The following PCDH11X variants were observed in gnomAD, a reference collection of about 807,000 sequenced individuals.
PCDH11X encodes protocadherin-11 X-linked.
PCDH11X carries 18 observed loss-of-function variants against 53.3 expected under a neutral mutation model. That is an observed-to-expected ratio of 0.34 (90% CI 0.23 to 0.50). The LOEUF (loss-of-function observed/expected upper bound fraction) is 0.50. Among genes scored for constraint, PCDH11X ranks in the 20% least tolerant of loss-of-function variants. PCDH11X has a pLI of 0.98. For missense variants in PCDH11X, 570 were observed against 1,032.4 expected, an observed-to-expected ratio of 0.55 and a Z score of 6.14; for synonymous variants, 279 against 393.3, an observed-to-expected ratio of 0.71 and a Z score of 3.44.
intron 6 of PCDH11X, among the ~76,000 whole-genome samples, chrX:92,004,046 G>A (rs1330348369): frequency 9.3e-6 from 1 of 107,813 alleles, no homozygotes; most frequent in Admixed American, 1.0e-4. Context: ...CCTTGATACT[G>A]CTTTTGCTGT....
At chrX:92,415,960 G>C (rs1302564376) in intron 9 of PCDH11X, among the ~76,000 whole-genome samples, 1 of 111,456 alleles carries the variant, frequency 9.0e-6, no homozygotes, top group Non-Finnish European at 1.9e-5. Context: ...TTTTCACTTT[G>C]TATGATTGGA....
intron 9 of PCDH11X, among the ~76,000 whole-genome samples, chrX:92,391,745 A>G (rs1349729184): frequency 5.4e-5 from 6 of 111,115 alleles, no homozygotes; most frequent in Non-Finnish European, 1.1e-4. Context: ...CTATTTCACT[A>G]TAGGTAAGTT....
At chrX:92,016,595 T>G (rs1163114922) in intron 6 of PCDH11X, among the ~76,000 whole-genome samples, 1 of 109,188 alleles carries the variant, frequency 9.2e-6, no homozygotes, top group Non-Finnish European at 1.9e-5. Flanking sequence ...TTCATTTTTT[T>G]TTTTCCTGTA....
chrX:92,529,608 A>G (rs2148724760), intron 10 of PCDH11X, among the ~76,000 whole-genome samples: 1 of 96,740 alleles, frequency 1.0e-5, no homozygotes, highest in African/African-American at 3.7e-5. Context: ...AGCACAGAAC[A>G]GGTCACACAT....
intron 7 of PCDH11X, among the ~76,000 whole-genome samples, chrX:92,254,068 A>C (rs1422687003): frequency 8.9e-6 from 1 of 112,076 alleles, no homozygotes; most frequent in Non-Finnish European, 1.9e-5. Flanking sequence ...TGAGTCTGTC[A>C]TATATGGCTT....
intron 6 of PCDH11X, among the ~76,000 whole-genome samples, chrX:92,054,820 C>CAAAAAAAAAAAAAAA (rs1174448342): frequency 1.7e-3 from 44 of 25,213 alleles, no homozygotes; most frequent in East Asian, 2.8e-3. Flanking sequence ...AACTCTGTCT[C>CAAAAAAAAAAAAAAA]AAAAAAAAAA....
At chrX:91,921,624 C>T (rs62607762) in intron 6 of PCDH11X, among the ~76,000 whole-genome samples, 10,188 of 98,569 alleles carry the variant, frequency 0.1, 769 homozygotes, top group East Asian at 0.14. Flanking sequence ...ATCCTCCATG[C>T]CTTTTCATGG....
intron 8 of PCDH11X, among the ~76,000 whole-genome samples, chrX:92,303,682 A>T (rs1009950010): frequency 8.9e-6 from 1 of 112,009 alleles, no homozygotes; most frequent in African/African-American, 3.2e-5. Context: ...GATGTTTAGG[A>T]AGCGATATCT....
chrX:92,464,440 C>T (rs1185985768), intron 9 of PCDH11X, among the ~76,000 whole-genome samples: 1 of 110,802 alleles, frequency 9.0e-6, no homozygotes, highest in African/African-American at 3.3e-5. Context: ...TTGCTTGACA[C>T]TTCTCCTTCC....
chrX:92,324,333 G>A (rs779815465), intron 8 of PCDH11X, among the ~76,000 whole-genome samples: 1 of 111,666 alleles, frequency 9.0e-6, no homozygotes, highest in East Asian at 2.8e-4. Flanking sequence ...AAGGCAATAA[G>A]TTAATTTGAT....
chrX:92,556,631 G>A (rs1323919737), intron 10 of PCDH11X, among the ~76,000 whole-genome samples: 1 of 111,978 alleles, frequency 8.9e-6, no homozygotes, highest in East Asian at 2.8e-4. Flanking sequence ...GTACAGCCCT[G>A]CTCTGGGCTG....
chrX:91,895,453 A>G (rs1940701415), intron 6 of PCDH11X, among the ~76,000 whole-genome samples: 1 of 110,772 alleles, frequency 9.0e-6, no homozygotes, highest in Admixed American at 9.7e-5. Flanking sequence ...GATCAAAACT[A>G]TGGATTCTCT....
chrX:92,200,033 A>G (rs1353987408), intron 6 of PCDH11X, among the ~76,000 whole-genome samples: 1 of 111,776 alleles, frequency 8.9e-6, no homozygotes, highest in Non-Finnish European at 1.9e-5. Flanking sequence ...TTTAAAAAAA[A>G]AAGTTAAATG....
intron 8 of PCDH11X, among the ~76,000 whole-genome samples, chrX:92,344,640 A>G (rs913476398): frequency 1.0e-5 from 1 of 98,800 alleles, no homozygotes; most frequent in African/African-American, 3.9e-5. Context: ...TTTCATAAAT[A>G]CATCAACAAG....
chrX:92,090,905 T>C (rs1434725249), intron 6 of PCDH11X, among the ~76,000 whole-genome samples: 1 of 112,315 alleles, frequency 8.9e-6, no homozygotes, highest in African/African-American at 3.2e-5. Context: ...CAGTTCATTA[T>C]GTGTTTCAAA....
At chrX:92,452,463 G>GTATATATATATATA (rs763381982) in intron 9 of PCDH11X, among the ~76,000 whole-genome samples, 3 of 44,729 alleles carry the variant, frequency 6.7e-5, no homozygotes, top group Non-Finnish European at 1.1e-4. Context: ...GTGTGTGTGT[G>GTATATATATATATA]TATATATATA....
chrX:91,937,967 A>G (rs2061464915), intron 6 of PCDH11X, among the ~76,000 whole-genome samples: 1 of 111,552 alleles, frequency 9.0e-6, no homozygotes, highest in Admixed American at 9.6e-5. Flanking sequence ...TGAGAAAATT[A>G]TCACTAGAAT....
intron 6 of PCDH11X, among the ~76,000 whole-genome samples, chrX:91,965,004 T>A (rs1327432215): frequency 9.0e-6 from 1 of 111,232 alleles, no homozygotes; most frequent in East Asian, 2.8e-4. Flanking sequence ...CAGTGACAGA[T>A]AATTTGTAAT....
intron 8 of PCDH11X, among the ~76,000 whole-genome samples, chrX:92,365,988 C>A (rs981312139): frequency 2.7e-5 from 3 of 111,361 alleles, no homozygotes; most frequent in Non-Finnish European, 5.6e-5. Flanking sequence ...CAGGATGATG[C>A]TGGTCTCATA....
Sources: allele counts gnomAD v4.1 joint callset (sites outside exome capture counted in the v4.1 genomes callset), GRCh38; gene constraint gnomAD v4.1.1; transcripts MANE v1.5; gene names NCBI Gene and HGNC (gene_info 2026-07-23, HGNC 2026-07-21).